Variants in PPP1R9A observed in about 807,000 individuals in gnomAD.
PPP1R9A encodes the protein neurabin-1.
Under a neutral mutation model 141.9 loss-of-function variants are expected in PPP1R9A, and 59 were observed. That is an observed-to-expected ratio of 0.42 (90% CI 0.34 to 0.52). PPP1R9A has a LOEUF of 0.52. Among genes scored for constraint, PPP1R9A ranks in the 20% least tolerant of loss-of-function variants. The pLI, the probability that PPP1R9A is intolerant of heterozygous loss-of-function variation, is 0.10. For synonymous variants in PPP1R9A, 500 were observed against 569.7 expected (o/e 0.88, Z 1.74); for missense variants, 1,444 against 1,611.9 (o/e 0.90, Z 1.78).
chr7:95,155,009 C>A (rs910466449), intron 4 of PPP1R9A: 2 of 151,908 alleles, frequency 1.3e-5, no homozygotes, highest in Non-Finnish European at 2.9e-5. Flanking sequence ...TTAATGCATG[C>A]ATGGGGATTA....
chr7:94,911,536 C>T (rs369327349), intron 2 of PPP1R9A, 28 bp downstream of exon 2: 2 of 1,550,952 alleles, frequency 1.3e-6, no homozygotes, highest in East Asian at 2.3e-5. Context: ...ATTTTGTTTT[C>T]TAAATTTGTT....
At chr7:95,026,967 A>G (rs938185042) in intron 2 of PPP1R9A, among the ~76,000 whole-genome samples, 7 of 152,222 alleles carry the variant, frequency 4.6e-5, no homozygotes, top group Admixed American at 4.6e-4. Flanking sequence ...TCGACTTCAG[A>G]CTGCTGTGCT....
chr7:95,024,493 G>T (rs1806510341), intron 2 of PPP1R9A, among the ~76,000 whole-genome samples: 1 of 151,974 alleles, frequency 6.6e-6, no homozygotes, highest in African/African-American at 2.4e-5. Flanking sequence ...GGATAATTAG[G>T]TCTTCTTGTT....
intron 4 of PPP1R9A, among the ~76,000 whole-genome samples, chr7:95,136,896 T>C (rs1035392204): frequency 1.3e-5 from 2 of 152,134 alleles, no homozygotes; most frequent in Admixed American, 6.5e-5. Context: ...TATCTGGTAA[T>C]ATGTAATGTA....
At chr7:95,008,100 C>A (rs1194048031) in intron 2 of PPP1R9A, among the ~76,000 whole-genome samples, 1 of 152,072 alleles carries the variant, frequency 6.6e-6, no homozygotes, top group African/African-American at 2.4e-5. Flanking sequence ...ACAAACAAAC[C>A]AAGCTTCAGT....
intron 2 of PPP1R9A, among the ~76,000 whole-genome samples, chr7:95,043,025 C>A (rs1320134783): frequency 6.6e-6 from 1 of 152,098 alleles, no homozygotes; most frequent in Non-Finnish European, 1.5e-5. Flanking sequence ...AAGTAAGATA[C>A]ATATGGAAAA....
At chr7:95,257,824 T>C (rs982210914) in intron 12 of PPP1R9A, among the ~76,000 whole-genome samples, 9 of 152,302 alleles carry the variant, frequency 5.9e-5, no homozygotes, top group African/African-American at 1.9e-4. Context: ...GCTTCATCCA[T>C]GTCCCTGCAA....
intron 16 of PPP1R9A, among the ~76,000 whole-genome samples, chr7:95,282,127 C>T (rs1804355825): frequency 7.7e-6 from 1 of 130,436 alleles, no homozygotes. Context: ...TTTGGGAGGC[C>T]AAGGCAGGAG....
intron 2 of PPP1R9A, among the ~76,000 whole-genome samples, chr7:95,047,287 G>A (rs1037353711): frequency 6.6e-6 from 1 of 152,148 alleles, no homozygotes. Context: ...CGGCACAAAT[G>A]CTTTAGAGTA....
intron 7 of PPP1R9A, among the ~76,000 whole-genome samples, chr7:95,216,448 G>A (rs1217514620): frequency 6.6e-6 from 1 of 152,138 alleles, no homozygotes; most frequent in Admixed American, 6.5e-5. Flanking sequence ...TGGCAATGCA[G>A]GCTCTTTTTT....
At chr7:95,098,892 G>T (rs139788723) in intron 2 of PPP1R9A, among the ~76,000 whole-genome samples, 405 of 152,250 alleles carry the variant, frequency 2.7e-3, no homozygotes, top group Middle Eastern at 6.8e-3. Context: ...GTAAACTTCT[G>T]TACTGGAGAA....
intron 4 of PPP1R9A, among the ~76,000 whole-genome samples, chr7:95,151,323 A>C (rs1284351939): frequency 6.6e-6 from 1 of 152,234 alleles, no homozygotes. Flanking sequence ...AAGCCATGGA[A>C]GACATGGAAG....
At chr7:94,948,817 CAG>C (rs1253421976) in intron 2 of PPP1R9A, among the ~76,000 whole-genome samples, 1 of 152,046 alleles carries the variant, frequency 6.6e-6, no homozygotes, top group Admixed American at 6.6e-5. Context: ...CAGGTTTAAA[CAG>C]AGAGCTCTGG....
chr7:95,137,902 G>A (rs938422511), intron 4 of PPP1R9A, among the ~76,000 whole-genome samples: 6 of 150,926 alleles, frequency 4.0e-5, no homozygotes, highest in African/African-American at 9.7e-5. Flanking sequence ...AGGAATAGAT[G>A]AAAACATATA....
At chr7:95,261,006 A>C (rs1800349148) in intron 12 of PPP1R9A, among the ~76,000 whole-genome samples, 1 of 152,212 alleles carries the variant, frequency 6.6e-6, no homozygotes, top group Non-Finnish European at 1.5e-5. Flanking sequence ...AATTCTAATT[A>C]TAGATTAAAT....
At position 95,181,438 on chromosome 7, in the gene PPP1R9A, ATTCCATC is replaced by A. The variant is rs1468997184; in HGVS notation, c.1755-16910_1755-16904del. ...TATATAGAATATAGAGAATATATAT[ATTCCATC>A]ATATATATAGAATATATATAGAGAA... On this transcript the variant is annotated intron_variant, in intron 5 of 19. Transcript: ENST00000433360. Among the ~76,000 whole-genome samples the A allele has an allele frequency of 2.8e-3, 376 of 133,614 alleles. 5 individuals are homozygous for A. Among genetic ancestry groups the A allele is most frequent in the African/African-American group, 0.01 (359 of 35,408 alleles). 87.7% of individuals were successfully genotyped at this position (133,614 alleles called of 152,430 possible). A position where few individuals can be genotyped will look rare whatever the true frequency, so the allele number is the denominator to read the frequency against.
intron 2 of PPP1R9A, chr7:95,035,636 A>G (rs1045426769): frequency 1.3e-5 from 2 of 152,172 alleles, no homozygotes; most frequent in Non-Finnish European, 1.5e-5. Flanking sequence ...TCCATATTAG[A>G]TTTATTTCTG....
At chr7:94,952,006 G>A (rs1796530979) in intron 2 of PPP1R9A, among the ~76,000 whole-genome samples, 1 of 151,422 alleles carries the variant, frequency 6.6e-6, no homozygotes, top group Admixed American at 6.6e-5. Context: ...TGTGCAGAAT[G>A]TGCAGGTTTG....
intron 2 of PPP1R9A, among the ~76,000 whole-genome samples, chr7:94,937,138 A>G (rs1464590542): frequency 1.3e-5 from 2 of 152,064 alleles, no homozygotes; most frequent in African/African-American, 2.4e-5. Flanking sequence ...TTCTATGAAT[A>G]ATGCTGCATC....
Sources: gnomAD v4.1 joint callset for allele counts (sites outside exome capture counted in the v4.1 genomes callset) on GRCh38, gnomAD v4.1.1 for gene constraint, MANE v1.5 for transcripts, NCBI Gene and HGNC (gene_info 2026-07-23, HGNC 2026-07-21) for gene names.